The following SPATA16 variants were observed in gnomAD, a reference collection of about 807,000 sequenced individuals.
SPATA16 encodes spermatogenesis-associated protein 16.
Under a neutral mutation model 63.3 loss-of-function variants are expected in SPATA16, and 36 were observed. The ratio of observed to expected loss-of-function variants is 0.57; its 90% CI spans 0.44 to 0.75. The LOEUF (loss-of-function observed/expected upper bound fraction) is 0.75, where lower values mean the gene tolerates loss of function less well. Among genes scored for constraint, SPATA16 ranks in the 30% least tolerant of loss-of-function variants. The pLI, the probability that SPATA16 is intolerant of heterozygous loss-of-function variation, is 0.00. For synonymous variants in SPATA16, 203 were observed against 216.7 expected, an observed-to-expected ratio of 0.94 and a Z score of 0.56; for missense variants, 646 against 679.3, an observed-to-expected ratio of 0.95 and a Z score of 0.54.
In SPATA16 at chr3:172,988,999, C is replaced by A. The variant is rs1560089335; in HGVS notation, c.849-11947G>T. On this transcript the variant is annotated intron_variant, in intron 4 of 10. Transcript: ENST00000351008. ...TTTTATGAGTTACATCTATTCAGAG[C>A]AGACATTAGGCAGAATTATGATGTG... Among the ~76,000 whole-genome samples the A allele has an allele frequency of 3.3e-5, 5 of 152,154 alleles. No homozygotes were observed. The South Asian group carries it at 6.2e-4, about 19-fold the overall frequency.
intron 1 of SPATA16, among the ~76,000 whole-genome samples, chr3:173,123,901 G>T (rs1204485509): frequency 4.0e-5 from 6 of 151,702 alleles, no homozygotes; most frequent in Non-Finnish European, 7.4e-5. Flanking sequence ...ACCACTTCCG[G>T]CCTGGTATTA....
intron 2 of SPATA16, among the ~76,000 whole-genome samples, chr3:173,083,553 C>T (rs994192776): frequency 9.2e-5 from 14 of 152,082 alleles, no homozygotes; most frequent in South Asian, 8.3e-4. Context: ...CATAGGTAAA[C>T]GTGCGCCCTG....
chr3:172,916,116 T>TTAA (rs1436243351), intron 9 of SPATA16, among the ~76,000 whole-genome samples: 2 of 152,212 alleles, frequency 1.3e-5, no homozygotes, highest in Admixed American at 6.5e-5. Flanking sequence ...TGGAAGCTAG[T>TTAA]TAATGTGAGC....
chr3:173,083,290 TAAC>T (rs1337484984), intron 2 of SPATA16, among the ~76,000 whole-genome samples: 1 of 152,130 alleles, frequency 6.6e-6, no homozygotes, highest in Non-Finnish European at 1.5e-5. Context: ...TTAATATTCT[TAAC>T]AACATTTCTA....
chr3:173,060,126 G>A (rs12636281), intron 2 of SPATA16, among the ~76,000 whole-genome samples: 25,062 of 151,776 alleles, frequency 0.17, 2,219 homozygotes, highest in South Asian at 0.23. Flanking sequence ...GCATGGTTGC[G>A]GGCGCCTGTA....
intron 2 of SPATA16, among the ~76,000 whole-genome samples, chr3:173,082,836 C>T (rs879326320): frequency 4.6e-5 from 7 of 152,134 alleles, no homozygotes; most frequent in Non-Finnish European, 8.8e-5. Context: ...ACTAGTGCCT[C>T]GGACTGTCCA....
intron 4 of SPATA16, among the ~76,000 whole-genome samples, chr3:173,013,695 A>G (rs1409535845): frequency 6.6e-6 from 1 of 152,242 alleles, no homozygotes; most frequent in Admixed American, 6.5e-5. Context: ...GGCTTATCCC[A>G]TAACCTTCAC....
intron 3 of SPATA16, among the ~76,000 whole-genome samples, chr3:173,048,391 G>T (rs1396395448): frequency 6.6e-6 from 1 of 151,848 alleles, no homozygotes; most frequent in Non-Finnish European, 1.5e-5. Flanking sequence ...GGTAACACTG[G>T]GGATTCTAGG....
chr3:172,940,513 G>A (rs926305206), intron 6 of SPATA16, among the ~76,000 whole-genome samples: 15 of 152,104 alleles, frequency 9.9e-5, no homozygotes, highest in African/African-American at 3.1e-4. Context: ...AATATAAAAC[G>A]TGTGTAAAGT....
intron 6 of SPATA16, among the ~76,000 whole-genome samples, chr3:172,950,144 T>C (rs1359329073): frequency 6.6e-6 from 1 of 152,206 alleles, no homozygotes; most frequent in African/African-American, 2.4e-5. Context: ...GACAATATGC[T>C]AAGCAGAAGA....
chr3:173,124,801 C>T (rs535392016), intron 1 of SPATA16, among the ~76,000 whole-genome samples: 7 of 152,252 alleles, frequency 4.6e-5, no homozygotes, highest in Non-Finnish European at 8.8e-5. Flanking sequence ...CACTCATTCT[C>T]AATATCCTGG....
intron 8 of SPATA16, among the ~76,000 whole-genome samples, chr3:172,920,398 T>G (rs1732592735): frequency 6.6e-6 from 1 of 152,226 alleles, no homozygotes; most frequent in African/African-American, 2.4e-5. Context: ...TTAAAAAAGA[T>G]ATGTTTGAGT....
At position 172,929,924 on chromosome 3, in the gene SPATA16, C is replaced by T. The variant is rs190001448; in HGVS notation, c.1082-4432G>A. ...TTCACCAGCCTATTATGAGGAAAGC[C>T]ATTATTCACCCAATTATTCTGGCTT... On this transcript the variant is annotated intron_variant, in intron 6 of 10. Transcript: ENST00000351008. Among the ~76,000 whole-genome samples the T allele has an allele frequency of 1.1e-4, 16 of 152,244 alleles. No individual in the cohort carries two copies. In the East Asian group the frequency reaches 2.7e-3, roughly 26 times the overall value.
intron 10 of SPATA16, among the ~76,000 whole-genome samples, chr3:172,902,131 G>A (rs949949259): frequency 6.6e-6 from 1 of 152,150 alleles, no homozygotes; most frequent in Non-Finnish European, 1.5e-5. Flanking sequence ...TCCGCCTCTC[G>A]GGTTCAAGTG....
chr3:172,947,593 T>C (rs755164814), intron 6 of SPATA16, among the ~76,000 whole-genome samples: 1 of 151,444 alleles, frequency 6.6e-6, no homozygotes, highest in Non-Finnish European at 1.5e-5. Context: ...TGGAATACTA[T>C]GCAGCCATAA....
intron 6 of SPATA16, among the ~76,000 whole-genome samples, chr3:172,949,175 G>A (rs1349600866): frequency 6.6e-6 from 1 of 152,004 alleles, no homozygotes; most frequent in East Asian, 1.9e-4. Flanking sequence ...TTTTAAAATG[G>A]ATTTTTTTAT....
At chr3:172,913,609 G>A (rs1167588489) in intron 10 of SPATA16, 52 bp downstream of exon 10, 2 of 1,556,470 alleles carry the variant, frequency 1.3e-6, no homozygotes, top group Non-Finnish European at 1.8e-6. Flanking sequence ...GACCCAAAAT[G>A]GACATTTTCT....
At chr3:172,940,252 G>A (rs1317476730) in intron 6 of SPATA16, among the ~76,000 whole-genome samples, 2 of 152,202 alleles carry the variant, frequency 1.3e-5, no homozygotes, top group African/African-American at 4.8e-5. Flanking sequence ...TTTGTAGCTG[G>A]TTGATCAGAA....
chr3:173,020,829 G>C (rs182574623), intron 3 of SPATA16, among the ~76,000 whole-genome samples: 65 of 152,284 alleles, frequency 4.3e-4, no homozygotes, highest in Admixed American at 3.7e-3. Context: ...ACCAACGCAT[G>C]ATTATTAAGC....
Sources: gnomAD v4.1 joint callset for allele counts (sites outside exome capture counted in the v4.1 genomes callset) on GRCh38, gnomAD v4.1.1 for gene constraint, MANE v1.5 for transcripts, NCBI Gene and HGNC (gene_info 2026-07-23, HGNC 2026-07-21) for gene names.